Variants in ASCC3 observed in about 807,000 individuals in gnomAD.
The protein encoded by ASCC3 is ASC-1 complex subunit P200.
ASCC3 carries 158 observed loss-of-function variants against 256.3 expected under a neutral mutation model. The observed-to-expected ratio is 0.62, with a 90% confidence interval of 0.54 to 0.70. ASCC3 has a LOEUF of 0.70. Ranked by LOEUF, ASCC3 falls within the 30% of genes least tolerant of loss-of-function variation. The pLI is 0.00. For synonymous variants in ASCC3, 948 were observed against 883.4 expected (o/e 1.07, Z -1.30); for missense variants, 2,259 against 2,626.0 (o/e 0.86, Z 3.05).
intron 36 of ASCC3, among the ~76,000 whole-genome samples, chr6:100,546,481 T>G (rs549676188): frequency 6.6e-6 from 1 of 152,248 alleles, no homozygotes; most frequent in East Asian, 1.9e-4. Context: ...TATAGTTTAA[T>G]GTATTTTAAT....
chr6:100,864,357 A>T, intron 2 of ASCC3, 143 bp from the exon 3 acceptor site: 1 of 669,146 alleles, frequency 1.5e-6, no homozygotes, highest in Non-Finnish European at 2.5e-6. Context: ...ATCCAAACTG[A>T]CTACTCACAA....
intron 37 of ASCC3, among the ~76,000 whole-genome samples, chr6:100,535,808 G>A (rs1373187929): frequency 6.6e-6 from 1 of 152,134 alleles, no homozygotes; most frequent in Non-Finnish European, 1.5e-5. Flanking sequence ...TTTCTTTCCA[G>A]GTGGCTTCCG....
chr6:100,868,034 T>C lies in ASCC3; in HGVS notation c.-37A>G. On this transcript the variant is annotated 5_prime_UTR_variant, in exon 2 of 42. Transcript: ENST00000369162. ...TCAGTGATCCATACAGCAAGAAACC[T>C]GAAACTGAAACAAAACAAGATGATA... 1 of 1,449,418 alleles carries C rather than the reference T, an allele frequency of 6.9e-7. No individual in the cohort carries two copies. The highest frequency in any genetic ancestry group is 1.1e-5 in the South Asian group (1 of 87,024). The allele number at this position is 1,449,418 out of a possible 1,614,324, so 89.8% of individuals were successfully genotyped here.
chr6:100,646,073 T>G (rs961723715), intron 22 of ASCC3, among the ~76,000 whole-genome samples: 5 of 152,074 alleles, frequency 3.3e-5, no homozygotes, highest in Non-Finnish European at 7.4e-5. Context: ...TCTTGAATTT[T>G]TTGGAAGGCT....
intron 5 of ASCC3, 22 bp from the exon 6 acceptor site, chr6:100,800,526 C>A: frequency 5.2e-6 from 8 of 1,534,342 alleles, no homozygotes; most frequent in Non-Finnish European, 7.2e-6. Context: ...ATTTAAGAAA[C>A]ACAATGTTTT....
intron 4 of ASCC3, among the ~76,000 whole-genome samples, chr6:100,846,544 C>T (rs1240565233): frequency 6.6e-6 from 1 of 152,132 alleles, no homozygotes; most frequent in African/African-American, 2.4e-5. Context: ...TGTCATACAC[C>T]TTAACAAGGC....
chr6:100,867,284 T>C (rs909003001), intron 2 of ASCC3, among the ~76,000 whole-genome samples: 2 of 152,198 alleles, frequency 1.3e-5, no homozygotes, highest in African/African-American at 4.8e-5. Context: ...ATACCATAAT[T>C]ACTAAAGCAG....
intron 11 of ASCC3, among the ~76,000 whole-genome samples, chr6:100,723,891 T>C (rs1275150671): frequency 1.6e-5 from 2 of 122,458 alleles, no homozygotes; most frequent in Non-Finnish European, 3.5e-5. Context: ...TATATATATA[T>C]ATATATTTAT....
intron 27 of ASCC3, among the ~76,000 whole-genome samples, chr6:100,628,294 A>C (rs1377675410): frequency 1.3e-5 from 2 of 152,116 alleles, no homozygotes; most frequent in Non-Finnish European, 2.9e-5. Context: ...AAAGGGTACA[A>C]TGTTTCAGTT....
chr6:100,743,075 T>A (rs991564092), intron 10 of ASCC3, among the ~76,000 whole-genome samples: 1 of 152,174 alleles, frequency 6.6e-6, no homozygotes, highest in Admixed American at 6.5e-5. Flanking sequence ...AAGGCTCTGG[T>A]AGAGTGGGTT....
Position 100,718,177 on chromosome 6 carries a change from T to C in ASCC3, c.1977A>G (p.Thr659=). ...ATLPNYLDVA[T]FLHVNPYIGL... ...CAATGTATGGATTAACATGTAAAAATGTGGCAACATCGAGGTAGTTAGGTA... is the reference window on the plus strand; with the variant it reads ...CAATGTATGGATTAACATGTAAAAACGTGGCAACATCGAGGTAGTTAGGTA... Residue 659 remains threonine (T), a synonymous_variant, in exon 12 of 42, where the codon ACA becomes ACG. Coordinates refer to ENST00000369162, the MANE Select transcript of ASCC3 (RefSeq NM_006828.4). The C allele has an allele frequency of 6.2e-7, 1 of 1,613,690 alleles. No individual in the cohort carries two copies. Among genetic ancestry groups the C allele is most frequent in the Non-Finnish European group, 8.5e-7 (1 of 1,179,730 alleles).
intron 4 of ASCC3, among the ~76,000 whole-genome samples, chr6:100,831,331 A>T (rs1265128732): frequency 6.6e-6 from 1 of 151,868 alleles, no homozygotes; most frequent in Non-Finnish European, 1.5e-5. Context: ...GGTTAAAAAA[A>T]AAAAGGAAAA....
rs374883281 is a variant in ASCC3 at position 100,740,061 on chromosome 6, G to C, written c.1738-14358C>G. ...GGAGGTATTTCTAACTTTCTGATGTGAGCATTTAGTACTATAAATTTCCCT... is the reference window on the plus strand; with the variant it reads ...GGAGGTATTTCTAACTTTCTGATGTCAGCATTTAGTACTATAAATTTCCCT... On this transcript the variant is annotated intron_variant, in intron 10 of 41. Coordinates refer to ENST00000369162, the MANE Select transcript of ASCC3 (RefSeq NM_006828.4). Among the ~76,000 whole-genome samples, 10 of 152,242 alleles carry C rather than the reference G, an allele frequency of 6.6e-5. No homozygotes were observed. The East Asian group carries it at 1.7e-3, about 26-fold the overall frequency.
chr6:100,582,080 G>T (rs1771314068), intron 36 of ASCC3, among the ~76,000 whole-genome samples: 1 of 151,404 alleles, frequency 6.6e-6, no homozygotes, highest in Non-Finnish European at 1.5e-5. Flanking sequence ...CTCTTTTTTG[G>T]TTCCATATGA....
At chr6:100,613,564 T>C (rs1220538441) in intron 30 of ASCC3, among the ~76,000 whole-genome samples, 1 of 152,150 alleles carries the variant, frequency 6.6e-6, no homozygotes, top group Non-Finnish European at 1.5e-5. Context: ...ATACTTAGGT[T>C]GATTCCAATC....
chr6:100,789,887 T>A (rs1769272279), intron 8 of ASCC3, among the ~76,000 whole-genome samples: 1 of 151,928 alleles, frequency 6.6e-6, no homozygotes, highest in Admixed American at 6.6e-5. Context: ...TTCATATAAC[T>A]CTGAAATTTA....
chr6:100,703,019 T>A (rs890436938), intron 13 of ASCC3, among the ~76,000 whole-genome samples: 1 of 152,128 alleles, frequency 6.6e-6, no homozygotes, highest in East Asian at 1.9e-4. Flanking sequence ...ATTACCATAG[T>A]TTTTGACCAG....
chr6:100,792,267 T>C (rs1487069737), intron 8 of ASCC3, among the ~76,000 whole-genome samples: 1 of 151,890 alleles, frequency 6.6e-6, no homozygotes, highest in Non-Finnish European at 1.5e-5. Flanking sequence ...GCTAATTGGG[T>C]ATATTTCGTG....
At chr6:100,676,105 A>G (rs1021640666) in intron 14 of ASCC3, among the ~76,000 whole-genome samples, 2 of 152,120 alleles carry the variant, frequency 1.3e-5, no homozygotes, top group East Asian at 3.8e-4. Context: ...TGAGGGGGAG[A>G]GTATACAAGT....
Sources: gnomAD v4.1 joint callset for allele counts (sites outside exome capture counted in the v4.1 genomes callset) on GRCh38, gnomAD v4.1.1 for gene constraint, MANE v1.5 for transcripts, NCBI Gene and HGNC (gene_info 2026-07-23, HGNC 2026-07-21) for gene names.